The following ALDH3A1 variants were observed in gnomAD, a reference collection of about 807,000 sequenced individuals.
ALDH3A1 encodes aldehyde dehydrogenase 3 family member A1.
Under a neutral mutation model 49.9 loss-of-function variants are expected in ALDH3A1, and 46 were observed. The ratio of observed to expected loss-of-function variants is 0.92; its 90% CI spans 0.73 to 1.18. ALDH3A1 has a LOEUF of 1.18. Among genes scored for constraint, ALDH3A1 ranks in the 50% most tolerant of loss-of-function variants. The pLI is 0.00. For missense variants in ALDH3A1, 592 were observed against 611.8 expected, an observed-to-expected ratio of 0.97 and a Z score of 0.34; for synonymous variants, 269 against 253.3, an observed-to-expected ratio of 1.06 and a Z score of -0.59.
rs764668200 is a variant in ALDH3A1 at position 19,741,186 on chromosome 17, C to A, written c.714G>T (p.Met238Ile). ...GGGCCACGCAGGTCTGGCCACTGTT[C>A]ATGAATTTCCCCCAGGCGATGCGTC... is the stretch of plus-strand genomic sequence containing the variant. ...ACRRIAWGKF[M>I]NSGQTCVAPD... The change falls in exon 6 of 11, where the codon ATG becomes ATT. Residue 238 changes from methionine (M) to isoleucine (I), a missense_variant. Transcript: ENST00000225740. 2 of 1,614,000 alleles carry A rather than the reference C, an allele frequency of 1.2e-6. No homozygotes were observed. The highest frequency in any genetic ancestry group is 3.3e-5 in the Admixed American group (2 of 60,016).
Position 19,741,135 on chromosome 17 carries a change from C to G in ALDH3A1, c.765G>C (p.Ser255=), listed in dbSNP as rs991274538. 1.9e-6 allele frequency: 3 copies of G among 1,613,992 alleles called. No homozygotes were observed. The highest frequency in any genetic ancestry group is 2.2e-5 in the East Asian group (1 of 44,884). ...GCTTCTCCACAATTTGGTTCTGGATCGAGGGGTCACAGAGGATGTAGTCAG... is the reference window on the plus strand; with the variant it reads ...GCTTCTCCACAATTTGGTTCTGGATGGAGGGGTCACAGAGGATGTAGTCAG... The part of the protein sequence containing the change: ...VAPDYILCDP[S]IQNQIVEKLK... Residue 255 remains serine, a synonymous_variant, in exon 6 of 11, where the codon TCG becomes TCC. Transcript: ENST00000225740.
Position 19,739,107 on chromosome 17 carries a change from C to T in ALDH3A1, c.1117-12G>A. On this transcript the variant is annotated splice_polypyrimidine_tract_variant and intron_variant, in intron 8 of 10. Coordinates refer to ENST00000225740, the MANE Select transcript of ALDH3A1 (RefSeq NM_000691.5). ...ATCTTCTTAATCACCTGCACCAGGA[C>T]CCAGCCACTGGCCTCAGTCTCCTGC... 1 of 1,610,360 alleles carries T rather than the reference C, an allele frequency of 6.2e-7. No individual in the cohort carries two copies. The highest frequency in any genetic ancestry group is 1.7e-5 in the Admixed American group (1 of 59,834).
At chr17:19,739,290 G>A (rs564521328) in intron 8 of ALDH3A1, among the ~76,000 whole-genome samples, 195 bp from the exon 9 acceptor site, 4 of 152,338 alleles carry the variant, frequency 2.6e-5, no homozygotes, top group African/African-American at 7.2e-5. Context: ...GACAGCAGCC[G>A]CCCCCATGCC....
intron 6 of ALDH3A1, among the ~76,000 whole-genome samples, 186 bp downstream of exon 6, chr17:19,740,907 C>G (rs1037656928): frequency 6.6e-6 from 1 of 152,220 alleles, no homozygotes; most frequent in Non-Finnish European, 1.5e-5. Flanking sequence ...CTCAAGTGAT[C>G]CTCCACTCTC....
At chr17:19,741,297 A>C in intron 5 of ALDH3A1, 87 bp from the exon 6 acceptor site, 2 of 1,194,110 alleles carry the variant, frequency 1.7e-6, no homozygotes. Context: ...TCTGGTCAGC[A>C]GAAGCCATCG....
At chr17:19,744,409 A>G (rs2086559881) in intron 2 of ALDH3A1, 2 of 981,322 alleles carry the variant, frequency 2.0e-6, no homozygotes, top group Non-Finnish European at 2.4e-6. Flanking sequence ...TCTCAAATAA[A>G]TAAATAAAAT....
At chr17:19,742,269 G>T in intron 4 of ALDH3A1, 57 bp from the exon 5 acceptor site, 1 of 1,567,770 alleles carries the variant, frequency 6.4e-7, no homozygotes, top group Middle Eastern at 1.7e-4. Flanking sequence ...CCTCGCTCTT[G>T]CAAGTGTGGG....
Position 19,744,955 on chromosome 17 carries a change from C to G in ALDH3A1, c.162+13G>C. 1 of 1,547,116 alleles carries G rather than the reference C, an allele frequency of 6.5e-7. No individual in the cohort carries two copies. The highest frequency in any genetic ancestry group is 1.2e-5 in the South Asian group (1 of 85,782). ...CCCGACACTGGCAGAAGGCGGCCGCCCAGCCTGAGCACCTTGTGCAGGTCT... is the reference window on the plus strand; with the variant it reads ...CCCGACACTGGCAGAAGGCGGCCGCGCAGCCTGAGCACCTTGTGCAGGTCT... On this transcript the variant is annotated intron_variant, in intron 2 of 10. Transcript: ENST00000225740.
intron 2 of ALDH3A1, chr17:19,744,755 G>A (rs1489565444): frequency 7.3e-6 from 10 of 1,367,098 alleles, no homozygotes; most frequent in African/African-American, 1.5e-5. Flanking sequence ...CGGAGGCCGG[G>A]CCAGGAGGAA....
At chr17:19,739,131 G>T in intron 8 of ALDH3A1, 36 bp from the exon 9 acceptor site, 2 of 1,586,500 alleles carry the variant, frequency 1.3e-6, no homozygotes, top group Non-Finnish European at 1.7e-6. Flanking sequence ...TCAGTCTCCT[G>T]CCCACAGGAT....
chr17:19,742,329 TG>T, intron 4 of ALDH3A1, 117 bp from the exon 5 acceptor site: 1 of 1,225,564 alleles, frequency 8.2e-7, no homozygotes. Flanking sequence ...CACCCCACCT[TG>T]GGCGGGGGGT....
At position 19,745,102 on chromosome 17, in the gene ALDH3A1, G is replaced by T. The variant is rs147298045; in HGVS notation, c.28C>A (p.Arg10Ser). 5 of 1,588,384 alleles carry T rather than the reference G, an allele frequency of 3.1e-6. No individual in the cohort carries two copies. The East Asian group carries it at 1.1e-4, about 36-fold the overall frequency. The change falls in exon 2 of 11, where the codon CGC becomes AGC. Residue 10 changes from arginine to serine, a missense_variant. By Grantham distance (110) the Arg-to-Ser change is moderately radical. Transcript: ENST00000225740. MSKISEAVK[R>S]ARAAFSSGRT... Reference sequence around the variant, plus strand: ...CCCGAGCTGAAGGCGGCGCGGGCGCGCTTCACGGCCTCGCTGATCTTGCTC... The same window carrying T: ...CCCGAGCTGAAGGCGGCGCGGGCGCTCTTCACGGCCTCGCTGATCTTGCTC...
At chr17:19,747,996 A>G (rs1448998705) in intron 1 of ALDH3A1, 1 of 195,260 alleles carries the variant, frequency 5.1e-6, no homozygotes, top group Non-Finnish European at 1.1e-5. Context: ...CCTTCCAGTC[A>G]TGGAGTCTGA....
intron 4 of ALDH3A1, 144 bp downstream of exon 4, chr17:19,742,401 G>T: frequency 9.0e-7 from 1 of 1,110,284 alleles, no homozygotes; most frequent in Non-Finnish European, 1.3e-6. Context: ...CCCAATGAGA[G>T]AGGGCAGCTG....
At chr17:19,741,950 G>A in intron 5 of ALDH3A1, 54 bp downstream of exon 5, 1 of 1,554,480 alleles carries the variant, frequency 6.4e-7, no homozygotes, top group South Asian at 1.1e-5. Flanking sequence ...GCAGTCATGT[G>A]TGCTTGGAAA....
At chr17:19,744,682 G>A in intron 2 of ALDH3A1, 11 of 1,317,068 alleles carry the variant, frequency 8.4e-6, no homozygotes, top group Non-Finnish European at 1.1e-5. Flanking sequence ...GAATGGGGAG[G>A]ACCAGAAGTT....
chr17:19,744,865 G>A, intron 2 of ALDH3A1, 103 bp downstream of exon 2: 1 of 1,383,720 alleles, frequency 7.2e-7, no homozygotes, highest in Non-Finnish European at 9.4e-7. Context: ...GTGGCCCCAA[G>A]TCCTTCCTGA....
Position 19,743,235 on chromosome 17 carries a change from C to A in ALDH3A1, c.391G>T (p.Ala131Ser). The A allele has an allele frequency of 6.2e-7, 1 of 1,613,584 alleles. No homozygotes were observed. The highest frequency in any genetic ancestry group is 8.5e-7 in the Non-Finnish European group (1 of 1,179,874). ...TIQPMVGAIA[A>S]GNSVVLKPSE... is the part of the protein sequence containing the mutation. ...CCCTTCCCACAGGGCCATGCACCTG[C>A]AGCGATGGCGCCCACCATGGGCTGG... The change falls in exon 3 of 11, where the codon GCA (alanine) becomes TCA (serine). Residue 131 changes from alanine (A) to serine (S), a missense_variant. Transcript: ENST00000225740. This position sits in a 1 kb window ranked among gnomAD's most constrained non-coding sequence, Gnocchi z 4.4.
chr17:19,743,907 T>C lies in ALDH3A1; in HGVS notation c.163-444A>G. ...GGCCCTTTAGTTGTCTGGAGGGGGA[T>C]GCAGGACCAAGGGCTGCTGGGCGCT... On this transcript the variant is annotated intron_variant, in intron 2 of 10. Coordinates refer to ENST00000225740, the MANE Select transcript of ALDH3A1 (RefSeq NM_000691.5). This position sits in a 1 kb window ranked among gnomAD's most constrained non-coding sequence, Gnocchi z 4.4. The C allele has an allele frequency of 1.0e-6, 1 of 984,746 alleles. No individual in the cohort carries two copies. Among genetic ancestry groups the C allele is most frequent in the Non-Finnish European group, 1.2e-6 (1 of 829,726 alleles). The allele number at this position is 984,746 out of a possible 1,614,324, so 61.0% of individuals were successfully genotyped here.
Sources: gnomAD v4.1 joint callset for allele counts (sites outside exome capture counted in the v4.1 genomes callset) on GRCh38, gnomAD v4.1.1 for gene constraint, Gnocchi (gnomAD v3.1) non-coding constraint, MANE v1.5 for transcripts, NCBI Gene and HGNC (gene_info 2026-07-23, HGNC 2026-07-21) for gene names.